RIOX2: variants seen among roughly 807,000 people sequenced by gnomAD.
RIOX2 encodes ribosomal oxygenase 2.
RIOX2 carries 43 observed loss-of-function variants against 51.2 expected under a neutral mutation model. The ratio of observed to expected loss-of-function variants is 0.84; its 90% CI spans 0.66 to 1.08. RIOX2 has a LOEUF of 1.08. RIOX2 is among the 50% of genes least tolerant of loss of function. The pLI is 0.00. For synonymous variants in RIOX2, 226 were observed against 218.5 expected, an observed-to-expected ratio of 1.03 and a Z score of -0.30; for missense variants, 566 against 561.7, an observed-to-expected ratio of 1.01 and a Z score of -0.08.
intron 6 of RIOX2, 31 bp downstream of exon 6, chr3:97,950,755 T>C: frequency 6.4e-7 from 1 of 1,562,756 alleles, no homozygotes; most frequent in Non-Finnish European, 8.8e-7. Flanking sequence ...GCAGCTACCA[T>C]CCTTCATTCC....
intron 2 of RIOX2, 63 bp downstream of exon 2, chr3:97,967,099 A>G: frequency 6.5e-7 from 1 of 1,535,098 alleles, no homozygotes; most frequent in Non-Finnish European, 8.9e-7. Flanking sequence ...CCTTGAGCTG[A>G]TATGTGGCCA....
chr3:97,946,604 A>ATATATATATATATATATC (rs1553712244), intron 8 of RIOX2, among the ~76,000 whole-genome samples: 45 of 139,714 alleles, frequency 3.2e-4, no homozygotes, highest in African/African-American at 5.4e-4. Context: ...ATATATATAT[A>ATATATATATATATATATC]TATCTATTCA....
chr3:97,946,209 C>G (rs1219150122), intron 8 of RIOX2, among the ~76,000 whole-genome samples: 2 of 152,032 alleles, frequency 1.3e-5, no homozygotes, highest in African/African-American at 4.8e-5. Context: ...ATTTATGTAT[C>G]AACTTATCAA....
In RIOX2 at chr3:97,967,625, A is replaced by G. The variant is rs376920480; in HGVS notation, c.-32T>C. 3.1e-5 allele frequency: 48 copies of G among 1,523,840 alleles called. No individual in the cohort carries two copies. Among genetic ancestry groups the G allele is most frequent in the Non-Finnish European group, 4.0e-5 (46 of 1,144,316 alleles). 94.4% of individuals were successfully genotyped at this position (1,523,840 alleles called of 1,614,324 possible). A position where few individuals can be genotyped will look rare whatever the true frequency, so the allele number is the denominator to read the frequency against. On this transcript the variant is annotated 5_prime_UTR_variant, in exon 2 of 10. Transcript: ENST00000394198. ...GTCTTCAAGACAAAGCAGTAAGGAA[A>G]TGCAAACCTACCAAAAGAACAAAAC... is the stretch of plus-strand genomic sequence containing the variant.
At chr3:97,949,604 G>C (rs1705160939) in intron 7 of RIOX2, among the ~76,000 whole-genome samples, 1 of 152,052 alleles carries the variant, frequency 6.6e-6, no homozygotes, top group African/African-American at 2.4e-5. Context: ...CAAAAGGACA[G>C]GGCTCTTATT....
At chr3:97,950,063 T>C (rs1020475538) in intron 6 of RIOX2, 48 bp from the exon 7 acceptor site, 6 of 1,603,340 alleles carry the variant, frequency 3.7e-6, no homozygotes, top group East Asian at 2.2e-5. Context: ...CAGAACTTAC[T>C]GCCCAGCTCA....
chr3:97,951,633 T>C (rs923418552), intron 5 of RIOX2, among the ~76,000 whole-genome samples: 2 of 152,172 alleles, frequency 1.3e-5, no homozygotes, highest in African/African-American at 4.8e-5. Context: ...AAAATTTTCC[T>C]GTGTCACCAG....
At chr3:97,947,820 T>C (rs1264198920) in intron 7 of RIOX2, among the ~76,000 whole-genome samples, 3 of 152,194 alleles carry the variant, frequency 2.0e-5, no homozygotes, top group East Asian at 1.9e-4. Flanking sequence ...GCTCAACATA[T>C]GGACTCTGGA....
intron 5 of RIOX2, among the ~76,000 whole-genome samples, chr3:97,953,674 C>T (rs542372586): frequency 1.4e-4 from 22 of 152,278 alleles, no homozygotes; most frequent in African/African-American, 3.1e-4. Context: ...TGAGCCACCA[C>T]GCCTGGCCAT....
chr3:97,962,182 T>A (rs1198399585), intron 2 of RIOX2, among the ~76,000 whole-genome samples: 1 of 152,036 alleles, frequency 6.6e-6, no homozygotes, highest in East Asian at 1.9e-4. Flanking sequence ...CAGACAGGAC[T>A]TGCCGACAGA....
At chr3:97,960,676 G>A (rs1705643613) in intron 3 of RIOX2, among the ~76,000 whole-genome samples, 1 of 152,288 alleles carries the variant, frequency 6.6e-6, no homozygotes, top group South Asian at 2.1e-4. Context: ...TTTTAAAAAC[G>A]GAATCGTGAA....
At chr3:97,954,545 C>CT in intron 4 of RIOX2, 50 bp from the exon 5 acceptor site, 1 of 1,441,522 alleles carries the variant, frequency 6.9e-7, no homozygotes, top group Non-Finnish European at 9.7e-7. Flanking sequence ...TATTCCTTCT[C>CT]AGTCCTCTTC....
At chr3:97,958,046 A>T (rs966739524) in intron 4 of RIOX2, among the ~76,000 whole-genome samples, 1 of 152,228 alleles carries the variant, frequency 6.6e-6, no homozygotes, top group African/African-American at 2.4e-5. Flanking sequence ...CATAAAAAAA[A>T]CCAGTAAGGT....
intron 5 of RIOX2, 45 bp from the exon 6 acceptor site, chr3:97,950,933 GC>G (rs766451767): frequency 7.4e-7 from 1 of 1,353,624 alleles, no homozygotes; most frequent in Non-Finnish European, 1.1e-6. Flanking sequence ...AACAGTGAGT[GC>G]ATACGAAATA....
At chr3:97,958,204 T>C (rs1414924859) in intron 4 of RIOX2, among the ~76,000 whole-genome samples, 1 of 152,168 alleles carries the variant, frequency 6.6e-6, no homozygotes, top group Non-Finnish European at 1.5e-5. Context: ...ACAGGCTAAT[T>C]ATAACTTCGA....
intron 5 of RIOX2, chr3:97,952,106 A>T: frequency 8.8e-7 from 1 of 1,140,574 alleles, no homozygotes; most frequent in Non-Finnish European, 1.2e-6. Context: ...AAACACTCCA[A>T]CAATGCTACC....
intron 4 of RIOX2, 55 bp downstream of exon 4, chr3:97,958,996 T>C (rs1355228563): frequency 9.2e-6 from 14 of 1,529,674 alleles, no homozygotes; most frequent in Admixed American, 5.8e-5. Context: ...GTCTTAGCAA[T>C]AGGGGAAACC....
In RIOX2 at chr3:97,941,877, A is replaced by C. The variant is rs1202792618; in HGVS notation, c.*3307T>G. On this transcript the variant is annotated 3_prime_UTR_variant, in exon 10 of 10. Transcript: ENST00000394198. ...GATTATCTACTTTTTCTCATGCTTC[A>C]AAAATGAAAAACTTTTAAAAGTAAT... 1 of 154,862 alleles carries C rather than the reference A, an allele frequency of 6.5e-6. No homozygotes were observed. Among genetic ancestry groups the C allele is most frequent in the Non-Finnish European group, 1.4e-5 (1 of 70,080 alleles). The allele number at this position is 154,862 out of a possible 1,614,324, so 9.6% of individuals were successfully genotyped here. A position where few individuals can be genotyped will look rare whatever the true frequency, so the allele number is the denominator to read the frequency against.
intron 5 of RIOX2, among the ~76,000 whole-genome samples, chr3:97,953,042 C>T (rs1480873921): frequency 6.6e-6 from 1 of 152,090 alleles, no homozygotes; most frequent in Non-Finnish European, 1.5e-5. Flanking sequence ...CAAGTTCTGG[C>T]CCTGAAGGTA....
Sources: gnomAD v4.1 joint callset for allele counts (sites outside exome capture counted in the v4.1 genomes callset) on GRCh38, gnomAD v4.1.1 for gene constraint, MANE v1.5 for transcripts, NCBI Gene and HGNC (gene_info 2026-07-23, HGNC 2026-07-21) for gene names.